Variants in AACS observed in about 807,000 individuals in gnomAD.
AACS encodes acetoacetate-CoA ligase.
In AACS, 69 loss-of-function variants were observed where a neutral mutation model predicts 83.1. That is an observed-to-expected ratio of 0.83 (90% CI 0.68 to 1.01). AACS has a LOEUF of 1.01. AACS is among the 50% of genes least tolerant of loss of function. The pLI, the probability that AACS is intolerant of heterozygous loss-of-function variation, is 0.00. For synonymous variants in AACS, 333 were observed against 343.4 expected (o/e 0.97, Z 0.33); for missense variants, 866 against 882.2 (o/e 0.98, Z 0.23).
At chr12:125,124,097 G>T (rs923468615) in intron 10 of AACS, 3 of 152,294 alleles carry the variant, frequency 2.0e-5, no homozygotes, top group Non-Finnish European at 2.9e-5. Context: ...AGGAGCACTT[G>T]AGCCCAGGAG....
chr12:125,065,642 G>A lies in AACS; in HGVS notation c.58G>A (p.Glu20Lys), dbSNP rs1489567481. 4.5e-6 allele frequency: 7 copies of A among 1,546,016 alleles called. No individual in the cohort carries two copies. In the East Asian group the frequency reaches 7.5e-5, roughly 16 times the overall value. The stretch of plus-strand genomic sequence containing the variant: ...GATCCTGGAGTGCCAGGTGATGTGG[G>A]AGCCTGACAGTAAGAAGAACACGCA... ...EEILECQVMW[E>K]PDSKKNTQMD... Residue 20 changes from glutamate to lysine, a missense_variant, in exon 1 of 18, where the codon GAG (glutamate) becomes AAG (lysine). Glu to Lys is a moderately conservative substitution (Grantham distance 56). Coordinates refer to ENST00000316519, the MANE Select transcript of AACS (RefSeq NM_023928.5).
intron 3 of AACS, among the ~76,000 whole-genome samples, chr12:125,079,156 G>T (rs946388381): frequency 6.6e-6 from 1 of 152,102 alleles, no homozygotes; most frequent in Non-Finnish European, 1.5e-5. Context: ...AAGGCCCTGG[G>T]CTGGAGGAGG....
At chr12:125,116,319 A>G (rs2136113225) in intron 9 of AACS, among the ~76,000 whole-genome samples, 1 of 152,312 alleles carries the variant, frequency 6.6e-6, no homozygotes, top group African/African-American at 2.4e-5. Flanking sequence ...GAGGAAGGAT[A>G]CAATGGAAAG....
intron 4 of AACS, among the ~76,000 whole-genome samples, chr12:125,090,433 C>G (rs1956455145): frequency 6.7e-6 from 1 of 149,888 alleles, no homozygotes; most frequent in South Asian, 2.1e-4. Flanking sequence ...ATTCATCATC[C>G]TCATCCACCA....
intron 8 of AACS, 50 bp from the exon 9 acceptor site, chr12:125,114,427 G>A (rs760158111): frequency 6.6e-6 from 10 of 1,524,656 alleles, no homozygotes; most frequent in African/African-American, 1.4e-5. Context: ...CAGATTCCTG[G>A]TACTGTATGC....
intron 12 of AACS, chr12:125,127,916 C>T (rs556841513): frequency 2.6e-5 from 9 of 349,178 alleles, no homozygotes; most frequent in Admixed American, 4.5e-5. Flanking sequence ...ATTTACTTAG[C>T]GGATCCTCTG....
chr12:125,091,861 C>G (rs1956493734), intron 5 of AACS, among the ~76,000 whole-genome samples: 1 of 152,242 alleles, frequency 6.6e-6, no homozygotes, highest in Non-Finnish European at 1.5e-5. Context: ...AGTGTATGTC[C>G]TCTGAAGAGA....
rs1026958617 is a variant in AACS, at chr12:125,140,390, G to A, written c.1882-1702G>A. The A allele has an allele frequency of 6.6e-6, 1 of 152,222 alleles. No individual in the cohort carries two copies. The highest frequency in any genetic ancestry group is 1.9e-4 in the East Asian group (1 of 5,194). 9.4% of individuals were successfully genotyped at this position (152,222 alleles called of 1,614,324 possible). A position where few individuals can be genotyped will look rare whatever the true frequency, so the allele number is the denominator to read the frequency against. ...GGATGCTGCTGTATTTTGCCAGCGG[G>A]TGGAAGGTGGCGGTATTAGCTCCCG... On this transcript the variant is annotated intron_variant, in intron 17 of 17. Coordinates refer to ENST00000316519, the MANE Select transcript of AACS (RefSeq NM_023928.5). This position sits in a 1 kb window ranked among gnomAD's most constrained non-coding sequence, Gnocchi z 5.1.
At chr12:125,099,020 C>G (rs1414127441) in intron 5 of AACS, among the ~76,000 whole-genome samples, 1 of 152,220 alleles carries the variant, frequency 6.6e-6, no homozygotes, top group Non-Finnish European at 1.5e-5. Flanking sequence ...GACATCTTAT[C>G]TTTTACCAAG....
chr12:125,080,207 G>A (rs1225176135), intron 3 of AACS, among the ~76,000 whole-genome samples: 1 of 152,096 alleles, frequency 6.6e-6, no homozygotes, highest in African/African-American at 2.4e-5. Context: ...GAACGAGAAC[G>A]CTGCGTCTCT....
At chr12:125,131,637 A>G (rs192830513) in intron 14 of AACS, among the ~76,000 whole-genome samples, 1 of 151,926 alleles carries the variant, frequency 6.6e-6, no homozygotes, top group Admixed American at 6.6e-5. Context: ...ATGGCTTTTT[A>G]TTTTTATTTT....
At chr12:125,078,954 T>C (rs1428840834) in intron 3 of AACS, among the ~76,000 whole-genome samples, 1 of 150,898 alleles carries the variant, frequency 6.6e-6, no homozygotes, top group African/African-American at 2.4e-5. Context: ...GAAGAATAAG[T>C]AAAGCATTGT....
chr12:125,133,283 C>A (rs1957353220), intron 14 of AACS, among the ~76,000 whole-genome samples: 1 of 152,154 alleles, frequency 6.6e-6, no homozygotes, highest in Non-Finnish European at 1.5e-5. Flanking sequence ...GGCCAAGGAA[C>A]CTCTCTCCTT....
rs957095433 is a variant in AACS, at chr12:125,140,644, G to A, written c.1882-1448G>A. ...AAAAGGCGCCAGTGATCGAGGACTC[G>A]TCACTGGGCTCTGTTGCTCCTGAAG... On this transcript the variant is annotated intron_variant, in intron 17 of 17. Coordinates refer to ENST00000316519, the MANE Select transcript of AACS (RefSeq NM_023928.5). This position sits in a 1 kb window ranked among gnomAD's most constrained non-coding sequence, Gnocchi z 5.1. 2.0e-5 allele frequency: 3 copies of A among 151,256 alleles called. No individual in the cohort carries two copies. The highest frequency in any genetic ancestry group is 2.0e-4 in the Admixed American group (3 of 15,202). The allele number at this position is 151,256 out of a possible 1,614,324, so 9.4% of individuals were successfully genotyped here. A position where few individuals can be genotyped will look rare whatever the true frequency, so the allele number is the denominator to read the frequency against.
intron 9 of AACS, among the ~76,000 whole-genome samples, chr12:125,115,019 G>A (rs1025701734): frequency 1.3e-5 from 2 of 152,186 alleles, no homozygotes; most frequent in East Asian, 1.9e-4. Context: ...CTTCCCCAGC[G>A]CACGGTGTCG....
At chr12:125,091,763 C>A (rs141800248) in intron 5 of AACS, among the ~76,000 whole-genome samples, 3 of 152,168 alleles carry the variant, frequency 2.0e-5, no homozygotes. Context: ...GGGCAGGTGG[C>A]GTATGCAGCA....
At chr12:125,110,794 T>C (rs892809382) in intron 8 of AACS, among the ~76,000 whole-genome samples, 3 of 152,236 alleles carry the variant, frequency 2.0e-5, no homozygotes. Flanking sequence ...TTTATAGACG[T>C]TCCCTCTACC....
intron 8 of AACS, among the ~76,000 whole-genome samples, chr12:125,111,440 A>G (rs1371450639): frequency 6.6e-6 from 1 of 152,238 alleles, no homozygotes; most frequent in Non-Finnish European, 1.5e-5. Context: ...AATGTATTAG[A>G]TATAATATAG....
intron 1 of AACS, 124 bp from the exon 2 acceptor site, chr12:125,073,752 A>G: frequency 1.4e-6 from 1 of 710,156 alleles, no homozygotes; most frequent in Non-Finnish European, 2.4e-6. Context: ...CCTCCCCCAG[A>G]CCATTTCTCC....
Sources: allele counts gnomAD v4.1 joint callset (sites outside exome capture counted in the v4.1 genomes callset), GRCh38; gene constraint gnomAD v4.1.1; non-coding constraint Gnocchi (gnomAD v3.1); transcripts MANE v1.5; gene names NCBI Gene and HGNC (gene_info 2026-07-23, HGNC 2026-07-21).